ENO1: variants seen among roughly 807,000 people sequenced by gnomAD.
ENO1 encodes alpha-enolase.
In ENO1, 33 loss-of-function variants were observed where a neutral mutation model predicts 46.3. The observed-to-expected ratio is 0.71, with a 90% CI of 0.54 to 0.95. The LOEUF is 0.95. Among genes scored for constraint, ENO1 ranks in the 40% least tolerant of loss-of-function variants. ENO1 has a pLI of 0.00. For synonymous variants in ENO1, 220 were observed against 216.0 expected (o/e 1.02, Z -0.16); for missense variants, 488 against 553.3 (o/e 0.88, Z 1.18).
chr1:8,861,511 T>C, intron 11 of ENO1, 82 bp from the exon 12 acceptor site: 1 of 1,462,022 alleles, frequency 6.8e-7, no homozygotes, highest in Non-Finnish European at 9.5e-7. Context: ...ATCCTAGATG[T>C]GGTCAAAGAC....
chr1:8,875,456 G>A (rs1396781134), intron 1 of ENO1, among the ~76,000 whole-genome samples: 2 of 152,160 alleles, frequency 1.3e-5, no homozygotes, highest in African/African-American at 4.8e-5. Context: ...AATGAGGGCT[G>A]GCATGGGAAT....
chr1:8,874,707 A>T, intron 2 of ENO1, 117 bp downstream of exon 2: 1 of 859,492 alleles, frequency 1.2e-6, no homozygotes, highest in Non-Finnish European at 1.8e-6. Flanking sequence ...TAGCATGTGC[A>T]GACAGAAAGA....
Position 8,866,384 on chromosome 1 carries a change from C to T in ENO1, c.562G>A (p.Val188Ile), listed in dbSNP as rs1282419223. ...FREAMRIGAE[V>I]YHNLKNVIKE... is the part of the protein sequence containing the mutation. Reference sequence around the variant, plus strand: ...ATGACATTCTTCAGGTTGTGGTAAACCTCTGCTCCAATGCGCATGGCTTCC... The same window carrying T: ...ATGACATTCTTCAGGTTGTGGTAAATCTCTGCTCCAATGCGCATGGCTTCC... The change falls in exon 7 of 12, where the codon GTT (valine) becomes ATT (isoleucine). Residue 188 changes from valine to isoleucine, a missense_variant. By Grantham distance (29) the Val-to-Ile change is conservative. Transcript: ENST00000234590. 1.2e-6 allele frequency: 2 copies of T among 1,614,124 alleles called. No homozygotes were observed. The highest frequency in any genetic ancestry group is 1.7e-6 in the Non-Finnish European group (2 of 1,180,056).
chr1:8,873,513 G>C (rs1642673410), intron 2 of ENO1, among the ~76,000 whole-genome samples: 1 of 152,184 alleles, frequency 6.6e-6, no homozygotes, highest in African/African-American at 2.4e-5. Flanking sequence ...TAATATCCAA[G>C]TAGAAAGTTC....
chr1:8,876,836 A>T (rs139101795), intron 1 of ENO1, among the ~76,000 whole-genome samples: 1 of 139,650 alleles, frequency 7.2e-6, no homozygotes, highest in African/African-American at 2.5e-5. Context: ...ATGTGAAAAT[A>T]AAGTGTGATT....
At chr1:8,861,579 T>A in intron 11 of ENO1, 150 bp from the exon 12 acceptor site, 1 of 714,380 alleles carries the variant, frequency 1.4e-6, no homozygotes. Flanking sequence ...CCACCTTCTT[T>A]AAACCCTCTA....
chr1:8,861,672 C>T (rs1484272119), intron 11 of ENO1, among the ~76,000 whole-genome samples: 1 of 152,048 alleles, frequency 6.6e-6, no homozygotes, highest in Non-Finnish European at 1.5e-5. Flanking sequence ...TGCCCTCCAC[C>T]CACCGCCCCT....
At chr1:8,872,090 T>C in intron 2 of ENO1, 104 bp from the exon 3 acceptor site, 1 of 895,638 alleles carries the variant, frequency 1.1e-6, no homozygotes, top group Non-Finnish European at 1.8e-6. Flanking sequence ...AGGGAGCTGT[T>C]TCTTCCTCCT....
In ENO1 at chr1:8,874,889, T is replaced by A. The variant is rs761689000; in HGVS notation, c.20A>T (p.His7Leu). ...GCGAGAGTCAAAGATCTCCCTGGCA[T>A]GGATCTTGAGAATAGACATGGTGAA... MSILKIHAREIFDSRGN... is the reference protein window; with the variant it reads MSILKILAREIFDSRGN... The change falls in exon 2 of 12, where the codon CAT (histidine) becomes CTT (leucine). Residue 7 changes from histidine (H) to leucine (L), a missense_variant. By Grantham distance (99) the His-to-Leu change is moderately conservative. Coordinates refer to ENST00000234590, the MANE Select transcript of ENO1 (RefSeq NM_001428.5). 6.2e-7 allele frequency: 1 copy of A among 1,613,980 alleles called. No individual in the cohort carries two copies. Among genetic ancestry groups the A allele is most frequent in the East Asian group, 2.2e-5 (1 of 44,874 alleles).
chr1:8,871,100 T>C (rs1303879447), intron 3 of ENO1: 4 of 1,205,082 alleles, frequency 3.3e-6, no homozygotes, highest in Middle Eastern at 6.5e-4. Flanking sequence ...CGTACGCCAT[T>C]AAACAACGGT....
At chr1:8,861,536 G>C in intron 11 of ENO1, 107 bp from the exon 12 acceptor site, 1 of 1,134,680 alleles carries the variant, frequency 8.8e-7, no homozygotes, top group Non-Finnish European at 1.3e-6. Context: ...CCCCACTCCT[G>C]GGAAGTTGAG....
chr1:8,872,117 A>G (rs1642646260), intron 2 of ENO1, 131 bp from the exon 3 acceptor site: 1 of 720,194 alleles, frequency 1.4e-6, no homozygotes, highest in East Asian at 2.7e-5. Flanking sequence ...TGTGTGAATT[A>G]AACGCTCTGG....
In ENO1 at chr1:8,867,252, TAGAAC is replaced by T; in HGVS notation, c.311-7_311-3del. ...GAATGGCGTTCGCACCAAACTTAGCTAGAACAGAAGAGAACCGAGTGGAATGAAGT... is the reference window on the plus strand; with the variant it reads ...GAATGGCGTTCGCACCAAACTTAGCTAGAAGAGAACCGAGTGGAATGAAGT... On this transcript the variant is annotated splice_region_variant and splice_polypyrimidine_tract_variant and intron_variant, in intron 5 of 11. Transcript: ENST00000234590. 6.2e-7 allele frequency: 1 copy of T among 1,614,080 alleles called. No homozygotes were observed.
In ENO1 at chr1:8,861,316, T is replaced by A. The variant is rs1642396588; in HGVS notation, c.*44A>T. 2 of 1,603,320 alleles carry A rather than the reference T, an allele frequency of 1.2e-6. No individual in the cohort carries two copies. The highest frequency in any genetic ancestry group is 2.0e-4 in the Middle Eastern group (1 of 4,882). On this transcript the variant is annotated 3_prime_UTR_variant, in exon 12 of 12. Transcript: ENST00000234590. ...GCCTGAGCTGACACGAGGGGAGGGGTCTGTGTAGCCAACAGGTGACCGAAG... is the reference window on the plus strand; with the variant it reads ...GCCTGAGCTGACACGAGGGGAGGGGACTGTGTAGCCAACAGGTGACCGAAG...
In ENO1 at chr1:8,864,019, G is replaced by A. The variant is rs750605240; in HGVS notation, c.939C>T (p.Ile313=). The change falls in exon 9 of 12, where the codon ATC becomes ATT. Residue 313 remains isoleucine, a synonymous_variant. Transcript: ENST00000234590. ...AWQKFTASAG[I]QVVGDDLTVT... ...CTGTGAGATCATCCCCCACTACCTG[G>A]ATTCCTGCACTGGCTGTGAACTTCT... The A allele has an allele frequency of 7.4e-6, 12 of 1,614,024 alleles. No homozygotes were observed. The South Asian group carries it at 1.2e-4, about 16-fold the overall frequency.
At chr1:8,865,845 G>A (rs776954395) in intron 7 of ENO1, among the ~76,000 whole-genome samples, 5 of 151,296 alleles carry the variant, frequency 3.3e-5, no homozygotes, top group African/African-American at 4.8e-5. Flanking sequence ...GGGTCCAAGA[G>A]AAAGCCCAGT....
chr1:8,864,615 T>G (rs1642472405), intron 8 of ENO1, among the ~76,000 whole-genome samples: 1 of 152,194 alleles, frequency 6.6e-6, no homozygotes, highest in Non-Finnish European at 1.5e-5. Context: ...CTCAAAAATT[T>G]TGTTTAAGAC....
intron 6 of ENO1, 92 bp downstream of exon 6, chr1:8,867,025 G>A (rs1642532439): frequency 1.3e-6 from 2 of 1,536,502 alleles, no homozygotes; most frequent in Non-Finnish European, 1.8e-6. Context: ...AGTCACATGT[G>A]TTAGGATATC....
At chr1:8,876,048 C>G (rs1642725396) in intron 1 of ENO1, 1 of 151,794 alleles carries the variant, frequency 6.6e-6, no homozygotes. Context: ...AAAAAAAATA[C>G]AAGAATTTCC....
Sources: gnomAD v4.1 joint callset for allele counts (sites outside exome capture counted in the v4.1 genomes callset) on GRCh38, gnomAD v4.1.1 for gene constraint, MANE v1.5 for transcripts, NCBI Gene and HGNC (gene_info 2026-07-23, HGNC 2026-07-21) for gene names.